The following ROBO2 variants were observed in gnomAD, a reference collection of about 807,000 sequenced individuals.
ROBO2 encodes roundabout guidance receptor 2.
ROBO2 carries 53 observed loss-of-function variants against 160.8 expected under a neutral mutation model. That is an observed-to-expected ratio of 0.33 (90% confidence interval 0.26 to 0.41). ROBO2 has a LOEUF of 0.41. ROBO2 is among the 10% of genes least tolerant of loss of function. ROBO2 has a pLI of 1.00. For missense variants in ROBO2, 1,577 were observed against 1,722.4 expected, an observed-to-expected ratio of 0.92 and a Z score of 1.49; for synonymous variants, 664 against 611.7, an observed-to-expected ratio of 1.09 and a Z score of -1.26.
chr3:77,537,565 A>G (rs1255438209), intron 6 of ROBO2, among the ~76,000 whole-genome samples: 1 of 152,172 alleles, frequency 6.6e-6, no homozygotes, highest in Non-Finnish European at 1.5e-5. Flanking sequence ...TATATCATTT[A>G]GTGCTTTTCC....
chr3:76,764,641 G>T (rs540062520), intron 2 of ROBO2, among the ~76,000 whole-genome samples: 1 of 151,532 alleles, frequency 6.6e-6, no homozygotes, highest in South Asian at 2.1e-4. Context: ...TTTTGTTCAT[G>T]TTTCATGCCA....
At chr3:76,265,115 T>C (rs1213148554) in intron 2 of ROBO2, among the ~76,000 whole-genome samples, 3 of 152,146 alleles carry the variant, frequency 2.0e-5, no homozygotes, top group African/African-American at 7.2e-5. Flanking sequence ...GGCATCCTCA[T>C]CTCCCACGCA....
At chr3:77,522,308 T>C (rs772860271) in intron 5 of ROBO2, among the ~76,000 whole-genome samples, 1 of 151,274 alleles carries the variant, frequency 6.6e-6, no homozygotes, top group Non-Finnish European at 1.5e-5. Context: ...AATGCCCATT[T>C]TGTCAATTTG....
At chr3:76,066,475 TAAG>T (rs1271428968) in intron 2 of ROBO2, among the ~76,000 whole-genome samples, 2 of 152,112 alleles carry the variant, frequency 1.3e-5, no homozygotes, top group African/African-American at 2.4e-5. Flanking sequence ...ACCATTTTCT[TAAG>T]AATAATACCA....
At chr3:76,215,635 A>G (rs112653548) in intron 2 of ROBO2, among the ~76,000 whole-genome samples, 6,228 of 152,272 alleles carry the variant, frequency 0.041, 363 homozygotes, top group East Asian at 0.22. Flanking sequence ...AAATGAACAA[A>G]GACTCCAAGA....
At chr3:77,223,268 G>A (rs2086059099) in intron 2 of ROBO2, among the ~76,000 whole-genome samples, 1 of 152,030 alleles carries the variant, frequency 6.6e-6, no homozygotes, top group Non-Finnish European at 1.5e-5. Context: ...TACCTTCATT[G>A]ATTTTTTTAT....
At chr3:77,399,188 A>C (rs963186305) in intron 2 of ROBO2, among the ~76,000 whole-genome samples, 3 of 152,204 alleles carry the variant, frequency 2.0e-5, no homozygotes, top group African/African-American at 7.2e-5. Context: ...AAAGGCACTT[A>C]AAACAGTTAA....
chr3:75,994,307 C>G (rs951569280), intron 2 of ROBO2, among the ~76,000 whole-genome samples: 1 of 152,136 alleles, frequency 6.6e-6, no homozygotes, highest in African/African-American at 2.4e-5. Context: ...ACTTTTTCAA[C>G]ACTTAAACAA....
chr3:76,907,856 T>TGTGTGTGTGTGTGTGTG (rs2075716891), intron 2 of ROBO2, among the ~76,000 whole-genome samples: 1 of 72,570 alleles, frequency 1.4e-5, no homozygotes, highest in African/African-American at 5.6e-5. Context: ...GTGTGTGTGT[T>TGTGTGTGTGTGTGTGTG]TGAGATGGAG....
chr3:76,601,783 T>G lies in ROBO2; in HGVS notation c.110-496231T>G, dbSNP rs1215664720. Among the ~76,000 whole-genome samples, 6 of 152,312 alleles carry G rather than the reference T, an allele frequency of 3.9e-5. No individual in the cohort carries two copies. In the East Asian group the frequency reaches 1.2e-3, roughly 29 times the overall value. On this transcript the variant is annotated intron_variant, in intron 2 of 26. Transcript: ENST00000487694. ...CTGGGGATTAACATTGCCATTCCAC[T>G]CCTCATTACTTATGCAAATTTCTGC...
chr3:77,229,114 T>C (rs2086846414), intron 2 of ROBO2, among the ~76,000 whole-genome samples: 1 of 152,172 alleles, frequency 6.6e-6, no homozygotes, highest in African/African-American at 2.4e-5. Context: ...GTCATGTATT[T>C]CTCACAAATG....
chr3:76,326,062 G>C (rs893609420), intron 2 of ROBO2, among the ~76,000 whole-genome samples: 1 of 152,092 alleles, frequency 6.6e-6, no homozygotes. Flanking sequence ...TTATTTTGGT[G>C]ATTAATTTTT....
chr3:76,850,460 GATAA>G (rs1309040734), intron 2 of ROBO2, among the ~76,000 whole-genome samples: 1 of 152,070 alleles, frequency 6.6e-6, no homozygotes, highest in Non-Finnish European at 1.5e-5. Context: ...GATGGAAGCG[GATAA>G]ATAAATACTC....
chr3:76,349,549 T>G (rs998048346), intron 2 of ROBO2, among the ~76,000 whole-genome samples: 3 of 152,092 alleles, frequency 2.0e-5, no homozygotes, highest in African/African-American at 2.4e-5. Context: ...ATTTCAGAAG[T>G]GTGAGCTTCA....
At chr3:77,039,723 C>T (rs140062299), upstream of ROBO2, among the ~76,000 whole-genome samples, 489 of 152,106 alleles carry the variant, frequency 3.2e-3, 1 homozygote, top group African/African-American at 0.011. Context: ...CAGGGCTCCG[C>T]GCGCCCCTCC....
chr3:77,157,960 T>A (rs1166928952), intron 2 of ROBO2, among the ~76,000 whole-genome samples: 1 of 152,088 alleles, frequency 6.6e-6, no homozygotes, highest in Non-Finnish European at 1.5e-5. Context: ...TGTTCATATT[T>A]CAGTTGTTTG....
chr3:77,216,982 A>G (rs2085057426), intron 2 of ROBO2, among the ~76,000 whole-genome samples: 1 of 152,148 alleles, frequency 6.6e-6, no homozygotes, highest in Admixed American at 6.5e-5. Context: ...CCATTTCAAG[A>G]CACCAAGTAA....
intron 2 of ROBO2, among the ~76,000 whole-genome samples, chr3:77,461,552 T>G (rs1372168263): frequency 6.6e-6 from 1 of 152,058 alleles, no homozygotes; most frequent in Admixed American, 6.6e-5. Context: ...AAAACATTAA[T>G]GATATTTTTG....
At chr3:76,922,744 G>T (rs1022934690) in intron 2 of ROBO2, among the ~76,000 whole-genome samples, 1 of 152,168 alleles carries the variant, frequency 6.6e-6, no homozygotes, top group East Asian at 1.9e-4. Flanking sequence ...CCCAGCCGCC[G>T]ATTGTGATGG....
Sources: allele counts gnomAD v4.1 joint callset (sites outside exome capture counted in the v4.1 genomes callset), GRCh38; gene constraint gnomAD v4.1.1; transcripts MANE v1.5; gene names NCBI Gene and HGNC (gene_info 2026-07-23, HGNC 2026-07-21).